DPP10: variants seen among roughly 807,000 people sequenced by gnomAD.
DPP10 encodes the protein dipeptidyl peptidase like 10, also known as inactive dipeptidyl peptidase 10.
A neutral mutation model predicts 120.9 loss-of-function variants in DPP10; 33 were observed. The observed-to-expected ratio is 0.27, with a 90% CI of 0.21 to 0.37. DPP10 has a LOEUF of 0.37. Among genes scored for constraint, DPP10 ranks in the 10% least tolerant of loss-of-function variants. The probability of loss-of-function intolerance (pLI) is 1.00; values close to 1 mark genes in which losing one functional copy is unlikely to be tolerated. For missense variants in DPP10, 816 were observed against 942.8 expected, an observed-to-expected ratio of 0.87 and a Z score of 1.76; for synonymous variants, 337 against 326.1, an observed-to-expected ratio of 1.03 and a Z score of -0.36.
intron 3 of DPP10, among the ~76,000 whole-genome samples, chr2:115,393,427 GT>G (rs1442853054): frequency 5.9e-5 from 9 of 152,162 alleles, no homozygotes; most frequent in African/African-American, 2.2e-4. Context: ...ACCATCGAAT[GT>G]TTTAGTGGTA....
chr2:115,519,513 TAGTC>T (rs1558789769), intron 4 of DPP10, among the ~76,000 whole-genome samples: 2 of 152,152 alleles, frequency 1.3e-5, no homozygotes, highest in South Asian at 2.1e-4. Flanking sequence ...CATAATTAAT[TAGTC>T]AGCTAAGAAA....
chr2:115,790,369 G>A (rs574193638), intron 17 of DPP10, among the ~76,000 whole-genome samples: 79 of 152,230 alleles, frequency 5.2e-4, no homozygotes, highest in African/African-American at 1.8e-3. Context: ...GTGAGCCACC[G>A]CGCCCGGCCT....
chr2:115,316,391 A>G (rs1396018445), intron 2 of DPP10, among the ~76,000 whole-genome samples: 2 of 152,168 alleles, frequency 1.3e-5, no homozygotes, highest in African/African-American at 2.4e-5. Flanking sequence ...AGAAAAATAA[A>G]TTTCCCCTTT....
At chr2:114,663,167 A>G (rs929467065) in intron 1 of DPP10, among the ~76,000 whole-genome samples, 2 of 151,736 alleles carry the variant, frequency 1.3e-5, no homozygotes, top group African/African-American at 2.4e-5. Context: ...AGGGAAGGAA[A>G]TAGGTGGGCT....
intron 1 of DPP10, among the ~76,000 whole-genome samples, chr2:114,490,406 C>T (rs1274188775): frequency 6.6e-6 from 1 of 152,168 alleles, no homozygotes; most frequent in Non-Finnish European, 1.5e-5. Context: ...TCCACTCTAG[C>T]ACAGTAATTG....
At chr2:115,780,273 C>T (rs1682595101) in intron 15 of DPP10, among the ~76,000 whole-genome samples, 1 of 151,786 alleles carries the variant, frequency 6.6e-6, no homozygotes, top group South Asian at 2.1e-4. Context: ...TTCTTTTTAC[C>T]ACCTCATTAT....
intron 1 of DPP10, among the ~76,000 whole-genome samples, chr2:115,241,383 A>T (rs1240647736): frequency 6.6e-6 from 1 of 152,202 alleles, no homozygotes; most frequent in Non-Finnish European, 1.5e-5. Flanking sequence ...GGTAGTTGTA[A>T]GTTTCTTGTA....
intron 17 of DPP10, among the ~76,000 whole-genome samples, chr2:115,784,475 A>C (rs1260010823): frequency 6.6e-6 from 1 of 152,246 alleles, no homozygotes; most frequent in East Asian, 1.9e-4. Context: ...CATTACTAAT[A>C]AAGATAGAAT....
chr2:115,007,794 G>C (rs1701966043), intron 1 of DPP10, among the ~76,000 whole-genome samples: 1 of 148,810 alleles, frequency 6.7e-6, no homozygotes, highest in Non-Finnish European at 1.5e-5. Flanking sequence ...CAGACAAACA[G>C]AGAGCCAAAT....
intron 1 of DPP10, among the ~76,000 whole-genome samples, chr2:115,013,503 T>C (rs146245229): frequency 0.041 from 6,268 of 152,104 alleles, 192 homozygotes; most frequent in Middle Eastern, 0.085. Flanking sequence ...AGCATCTTTG[T>C]GGCATTCTCT....
At chr2:115,393,958 A>G (rs2067492808) in intron 3 of DPP10, among the ~76,000 whole-genome samples, 1 of 152,202 alleles carries the variant, frequency 6.6e-6, no homozygotes, top group Non-Finnish European at 1.5e-5. Flanking sequence ...AGTTAGTTGA[A>G]TGTATACATT....
At chr2:114,975,911 A>G (rs1699727585) in intron 1 of DPP10, among the ~76,000 whole-genome samples, 2 of 152,212 alleles carry the variant, frequency 1.3e-5, no homozygotes, top group Admixed American at 1.3e-4. Flanking sequence ...TTGGCCTCCC[A>G]AAATACTGGG....
chr2:115,436,397 A>T (rs35275337), intron 3 of DPP10, among the ~76,000 whole-genome samples: 90,667 of 151,382 alleles, frequency 0.6, 28,448 homozygotes, highest in Middle Eastern at 0.74. Context: ...ACATTGCAAA[A>T]AGATTTTTTT....
At chr2:114,608,373 C>A (rs566478682) in intron 1 of DPP10, among the ~76,000 whole-genome samples, 2 of 151,856 alleles carry the variant, frequency 1.3e-5, no homozygotes, top group Non-Finnish European at 2.9e-5. Flanking sequence ...TAAGATGATC[C>A]CAGAAAAGAT....
chr2:115,762,140 G>C (rs901705370), intron 11 of DPP10, among the ~76,000 whole-genome samples: 4 of 152,154 alleles, frequency 2.6e-5, no homozygotes, highest in African/African-American at 9.7e-5. Context: ...ATGATTATGA[G>C]TGAATTGAAT....
intron 21 of DPP10, among the ~76,000 whole-genome samples, chr2:115,821,224 CTCAT>C (rs1315199353): frequency 4.6e-5 from 7 of 152,040 alleles, no homozygotes; most frequent in Admixed American, 1.3e-4. Context: ...ATAATGTGAA[CTCAT>C]CAATTTCTCC....
chr2:115,672,715 T>TCTTTCTTTCTTTCTCTTC, intron 5 of DPP10, among the ~76,000 whole-genome samples: 1 of 149,772 alleles, frequency 6.7e-6, no homozygotes, highest in Non-Finnish European at 1.5e-5. Flanking sequence ...TCTTTCTCTT[T>TCTTTCTTTCTTTCTCTTC]CTTTCTCTTT....
At chr2:115,040,629 T>C (rs1200800535) in intron 1 of DPP10, among the ~76,000 whole-genome samples, 3 of 151,856 alleles carry the variant, frequency 2.0e-5, no homozygotes, top group African/African-American at 7.2e-5. Context: ...TCCCCAGCAT[T>C]GGAGGTGGGG....
chr2:114,882,674 CAATT>C (rs999655725), intron 1 of DPP10, among the ~76,000 whole-genome samples: 6 of 151,842 alleles, frequency 4.0e-5, no homozygotes, highest in Non-Finnish European at 8.8e-5. Context: ...ACCCCAAAAA[CAATT>C]AAATAAAAAA....
Sources: gnomAD v4.1 joint callset for allele counts (sites outside exome capture counted in the v4.1 genomes callset) on GRCh38, gnomAD v4.1.1 for gene constraint, MANE v1.5 for transcripts, NCBI Gene and HGNC (gene_info 2026-07-23, HGNC 2026-07-21) for gene names.